Variants in PCDHA4 observed in about 807,000 individuals in gnomAD.
PCDHA4 encodes protocadherin alpha-4.
PCDHA4 carries 49 observed loss-of-function variants against 61.4 expected under a neutral mutation model. The observed-to-expected ratio is 0.80, with a 90% CI of 0.63 to 1.01. The LOEUF is 1.01. Ranked by LOEUF, PCDHA4 falls within the 50% of genes least tolerant of loss-of-function variation. The pLI is 0.00. For missense variants in PCDHA4, 1,254 were observed against 1,235.8 expected (o/e 1.01, Z -0.22); for synonymous variants, 590 against 550.3 (o/e 1.07, Z -1.01).
At chr5:140,907,847 C>T (rs1332235262) in intron 1 of PCDHA4, among the ~76,000 whole-genome samples, 15 of 152,232 alleles carry the variant, frequency 9.9e-5, no homozygotes, top group African/African-American at 3.6e-4. Flanking sequence ...TAAAATCCTC[C>T]TCTGCTGAGG....
At chr5:140,882,675 G>C in intron 1 of PCDHA4, 1 of 1,614,218 alleles carries the variant, frequency 6.2e-7, no homozygotes, top group East Asian at 2.2e-5. Flanking sequence ...TTCCCTGAAA[G>C]CAAGAAACGA....
At chr5:140,868,592 C>T (rs1294333400) in intron 1 of PCDHA4, 1 of 152,974 alleles carries the variant, frequency 6.5e-6, no homozygotes, top group Non-Finnish European at 1.5e-5. Context: ...ATGTTTAACC[C>T]TAGTTTTTCA....
intron 1 of PCDHA4, among the ~76,000 whole-genome samples, chr5:140,961,914 C>T (rs192184): frequency 0.56 from 84,843 of 150,390 alleles, 24,472 homozygotes; most frequent in African/African-American, 0.69. Context: ...GATGGAGTCT[C>T]GCTCTGTTGC....
chr5:140,873,149 T>C (rs2054128037), intron 1 of PCDHA4, among the ~76,000 whole-genome samples: 1 of 152,218 alleles, frequency 6.6e-6, no homozygotes, highest in Non-Finnish European at 1.5e-5. Flanking sequence ...AGCCTATTCA[T>C]AGACTTTAGA....
At chr5:140,860,192 C>CATATATATAT (rs143984774) in intron 1 of PCDHA4, 4 of 146,816 alleles carry the variant, frequency 2.7e-5, no homozygotes, top group African/African-American at 7.5e-5. Context: ...GCTCTCCTTA[C>CATATATATAT]ATATATATCT....
intron 1 of PCDHA4, among the ~76,000 whole-genome samples, chr5:140,899,434 A>G (rs1583342387): frequency 6.6e-6 from 1 of 152,206 alleles, no homozygotes; most frequent in East Asian, 1.9e-4. Flanking sequence ...TCTTTTCTGC[A>G]TCTATTGAGA....
Position 140,854,236 on chromosome 5 carries a change from A to C in PCDHA4, c.2385+44664A>C, listed in dbSNP as rs2043047042. 3.1e-6 allele frequency: 2 copies of C among 638,488 alleles called. 1 individual carries two copies. The highest frequency in any genetic ancestry group is 4.0e-5 in the African/African-American group (2 of 50,146). The allele number at this position is 638,488 out of a possible 1,614,324, so 39.6% of individuals were successfully genotyped here. On this transcript the variant is annotated intron_variant, in intron 1 of 3. Transcript: ENST00000530339. ...ATTGGACATCTACATTGGGATATTT[A>C]TGTTATCACTTGGTATAAAATGTAC... is the stretch of plus-strand genomic sequence containing the variant.
chr5:140,826,083 T>C (rs1190290121), intron 1 of PCDHA4, among the ~76,000 whole-genome samples: 2 of 152,240 alleles, frequency 1.3e-5, no homozygotes, highest in Non-Finnish European at 2.9e-5. Context: ...TTCAATTTTA[T>C]AAGTACCCTT....
chr5:140,863,388 C>A (rs2047990567), intron 1 of PCDHA4: 2 of 1,000,024 alleles, frequency 2.0e-6, no homozygotes, highest in African/African-American at 1.6e-5. Context: ...AGAGCTCGTG[C>A]ATGCCGGGCA....
chr5:140,846,373 CT>C (rs2150388509), intron 1 of PCDHA4, among the ~76,000 whole-genome samples: 2,055 of 55,084 alleles, frequency 0.037, 29 homozygotes, highest in African/African-American at 0.088. Flanking sequence ...TTCTTTCTTT[CT>C]TTTTTTTTTT....
chr5:140,858,790 A>G, intron 1 of PCDHA4: 1 of 388,116 alleles, frequency 2.6e-6, no homozygotes, highest in Non-Finnish European at 4.7e-6. Context: ...ATGTTATTTC[A>G]TTTCCAATCT....
At chr5:140,857,543 G>A (rs782244721) in intron 1 of PCDHA4, 2 of 1,597,220 alleles carry the variant, frequency 1.3e-6, no homozygotes, top group Admixed American at 3.4e-5. Context: ...GCGGCGGTTG[G>A]GCGAGCGCTC....
rs373922357 is a variant in PCDHA4, at chr5:140,927,079, G to C, written c.2386-51870G>C. On this transcript the variant is annotated intron_variant, in intron 1 of 3. Coordinates refer to ENST00000530339, the MANE Select transcript of PCDHA4 (RefSeq NM_018907.4). ...CTTTCGCTTCCTTTCCAGCCACCGC[G>C]AGCTCTACTTCGGGGTGGATCTACC... The C allele has an allele frequency of 2.5e-6, 4 of 1,610,870 alleles. No individual in the cohort carries two copies. In the African/African-American group the frequency reaches 5.3e-5, roughly 22 times the overall value.
chr5:140,907,239 C>A (rs1447900433), intron 1 of PCDHA4, among the ~76,000 whole-genome samples: 1 of 152,200 alleles, frequency 6.6e-6, no homozygotes, highest in African/African-American at 2.4e-5. Flanking sequence ...ACCTAGTTGA[C>A]ATTGTAATTG....
chr5:140,999,751 G>A (rs1167424188), intron 3 of PCDHA4, among the ~76,000 whole-genome samples: 1 of 152,150 alleles, frequency 6.6e-6, no homozygotes, highest in Non-Finnish European at 1.5e-5. Flanking sequence ...TGGGTTCGCA[G>A]CACATGATGT....
chr5:141,000,399 A>C (rs77386673), intron 3 of PCDHA4, among the ~76,000 whole-genome samples: 2,158 of 66,344 alleles, frequency 0.033, 38 homozygotes, highest in Non-Finnish European at 0.044. Context: ...CTCTCTCTAT[A>C]TATATATATA....
chr5:140,822,925 G>T (rs1160143508), intron 1 of PCDHA4: 2 of 1,614,144 alleles, frequency 1.2e-6, no homozygotes, highest in East Asian at 4.5e-5. Flanking sequence ...CAACGGGCAG[G>T]TGACCTGCTC....
intron 1 of PCDHA4, among the ~76,000 whole-genome samples, chr5:140,873,979 T>C (rs1210499789): frequency 6.6e-6 from 1 of 152,156 alleles, no homozygotes; most frequent in Non-Finnish European, 1.5e-5. Context: ...AAAATTAAAG[T>C]TCCTTAGCAT....
At chr5:140,871,465 CAG>C in intron 1 of PCDHA4, 1 of 1,602,850 alleles carries the variant, frequency 6.2e-7, no homozygotes, top group Non-Finnish European at 8.5e-7. Flanking sequence ...AGGGGAAAGA[CAG>C]GAGCCAGGGT....
Sources: gnomAD v4.1 joint callset for allele counts (sites outside exome capture counted in the v4.1 genomes callset) on GRCh38, gnomAD v4.1.1 for gene constraint, MANE v1.5 for transcripts, NCBI Gene and HGNC (gene_info 2026-07-23, HGNC 2026-07-21) for gene names.